LRRFIP1: variants seen among roughly 807,000 people sequenced by gnomAD.
LRRFIP1 encodes the protein LRR binding FLII interacting protein 1.
LRRFIP1 carries 62 observed loss-of-function variants against 104.4 expected under a neutral mutation model. The observed-to-expected ratio is 0.59, with a 90% CI of 0.48 to 0.73. The LOEUF (loss-of-function observed/expected upper bound fraction) is 0.73, where lower values mean the gene tolerates loss of function less well. LRRFIP1 is among the 30% of genes least tolerant of loss of function. LRRFIP1 has a pLI of 0.00. For missense variants in LRRFIP1, 796 were observed against 824.5 expected, an observed-to-expected ratio of 0.97 and a Z score of 0.42; for synonymous variants, 300 against 299.0, an observed-to-expected ratio of 1.00 and a Z score of -0.03.
Position 237,690,921 on chromosome 2 carries a change from C to T in LRRFIP1, c.97-17623C>T, listed in dbSNP as rs77278141. ...TCATCTTAAGTTCAACGTTTCTTCC[C>T]CAGCGGTTCTCTAGGCCTTTGCTCG... On this transcript the variant is annotated intron_variant, in intron 1 of 23. Coordinates refer to ENST00000308482, the MANE Select transcript of LRRFIP1 (RefSeq NM_001137550.2). 5.5e-3 allele frequency among the ~76,000 whole-genome samples: 828 copies of T among 151,924 alleles called. 5 individuals carry two copies. The highest frequency in any genetic ancestry group is 0.02 in the Middle Eastern group (6 of 294).
intron 1 of LRRFIP1, among the ~76,000 whole-genome samples, chr2:237,638,749 C>T (rs1038990): frequency 0.26 from 38,890 of 152,130 alleles, 5,278 homozygotes; most frequent in East Asian, 0.43. Flanking sequence ...GCTGCCGTGT[C>T]GACCAGTGTA....
At chr2:237,729,869 T>G in intron 8 of LRRFIP1, 4 of 973,994 alleles carry the variant, frequency 4.1e-6, no homozygotes, top group Non-Finnish European at 4.9e-6. Context: ...ATCTTTCACA[T>G]TCTCTTCAGA....
intron 1 of LRRFIP1, among the ~76,000 whole-genome samples, chr2:237,676,111 A>G (rs987362811): frequency 3.3e-5 from 5 of 152,350 alleles, no homozygotes; most frequent in African/African-American, 1.2e-4. Context: ...TTCTGTACAC[A>G]TTAAACACTG....
At chr2:237,705,297 TAATA>T (rs762388998) in intron 1 of LRRFIP1, among the ~76,000 whole-genome samples, 1 of 152,184 alleles carries the variant, frequency 6.6e-6, no homozygotes, top group African/African-American at 2.4e-5. Flanking sequence ...TGCTAGTGTG[TAATA>T]AATATCCACA....
intron 11 of LRRFIP1, among the ~76,000 whole-genome samples, chr2:237,746,794 G>A (rs749863243): frequency 2.6e-5 from 4 of 152,230 alleles, no homozygotes; most frequent in Admixed American, 2.0e-4. Context: ...ATTGTGGAAA[G>A]CGCCCGTGAA....
At position 237,712,856 on chromosome 2, in the gene LRRFIP1, T is replaced by C. The variant is rs3769091; in HGVS notation, c.184-1403T>C. Among the ~76,000 whole-genome samples the C allele has an allele frequency of 3.3e-3, 501 of 152,316 alleles. 10 individuals are homozygous for C. The East Asian group carries it at 0.047, about 14-fold the overall frequency. ...TGGCTATTATTAGAACCAGCTAACA[T>C]AATTTGAGGTTATACAATCTGGTAG... On this transcript the variant is annotated intron_variant, in intron 2 of 23. Coordinates refer to ENST00000308482, the MANE Select transcript of LRRFIP1 (RefSeq NM_001137550.2).
chr2:237,657,975 G>A (rs1294537984), intron 1 of LRRFIP1, among the ~76,000 whole-genome samples: 3 of 152,158 alleles, frequency 2.0e-5, no homozygotes, highest in African/African-American at 7.2e-5. Context: ...ATAAGTGAAA[G>A]AAGTACACAA....
intron 13 of LRRFIP1, among the ~76,000 whole-genome samples, chr2:237,749,998 C>T (rs2058380940): frequency 6.6e-6 from 1 of 152,126 alleles, no homozygotes; most frequent in African/African-American, 2.4e-5. Context: ...CCTGTGTCCT[C>T]CAGGGAGCAG....
intron 1 of LRRFIP1, among the ~76,000 whole-genome samples, chr2:237,702,173 T>A (rs952780272): frequency 6.6e-6 from 1 of 152,180 alleles, no homozygotes; most frequent in Non-Finnish European, 1.5e-5. Context: ...CTTATCACCG[T>A]ACACACCACC....
chr2:237,733,679 T>A, intron 8 of LRRFIP1, 95 bp from the exon 9 acceptor site: 3 of 1,220,332 alleles, frequency 2.5e-6, no homozygotes, highest in Non-Finnish European at 3.6e-6. Flanking sequence ...CAGTTGGCTA[T>A]GGTGAATGCT....
chr2:237,724,093 C>G (rs374293891), intron 7 of LRRFIP1, among the ~76,000 whole-genome samples: 1 of 150,570 alleles, frequency 6.6e-6, no homozygotes, highest in South Asian at 2.1e-4. Context: ...GAGAAAACTC[C>G]TAACTTCCAG....
intron 1 of LRRFIP1, among the ~76,000 whole-genome samples, chr2:237,631,992 C>T (rs35392898): frequency 0.4 from 61,282 of 152,074 alleles, 12,850 homozygotes; most frequent in East Asian, 0.46. Context: ...GGCAGGGGCA[C>T]TGCTGCCCCA....
At chr2:237,704,988 C>A (rs1405556099) in intron 1 of LRRFIP1, among the ~76,000 whole-genome samples, 2 of 152,168 alleles carry the variant, frequency 1.3e-5, no homozygotes, top group Non-Finnish European at 2.9e-5. Flanking sequence ...GAAGGTGGGC[C>A]ATGATGGGAA....
intron 12 of LRRFIP1, 130 bp from the exon 13 acceptor site, chr2:237,749,069 G>A (rs996864919): frequency 1.3e-5 from 12 of 903,294 alleles, no homozygotes; most frequent in South Asian, 7.3e-5. Flanking sequence ...AACTGCCCCC[G>A]TGATCCAGTC....
chr2:237,775,887 AG>A (rs2061047060), intron 23 of LRRFIP1, among the ~76,000 whole-genome samples: 2 of 152,160 alleles, frequency 1.3e-5, no homozygotes, highest in South Asian at 4.1e-4. Context: ...ACTGTAGGAA[AG>A]GGACTGTGGA....
intron 1 of LRRFIP1, chr2:237,683,394 C>T (rs2092042885): frequency 6.6e-6 from 1 of 152,230 alleles, no homozygotes; most frequent in Admixed American, 6.5e-5. Flanking sequence ...CCAGTTATTC[C>T]AGAATTTCCA....
chr2:237,658,956 C>T (rs1009644956), intron 1 of LRRFIP1, among the ~76,000 whole-genome samples: 8 of 152,110 alleles, frequency 5.3e-5, no homozygotes, highest in African/African-American at 1.7e-4. Flanking sequence ...CTATATGGTA[C>T]TAGCACATCT....
At chr2:237,765,516 G>A in intron 19 of LRRFIP1, 1 of 970,452 alleles carries the variant, frequency 1.0e-6, no homozygotes, top group Non-Finnish European at 1.2e-6. Context: ...CAAAAGAGCA[G>A]TAAAAAATGG....
At chr2:237,745,550 G>T (rs1019690954) in intron 11 of LRRFIP1, among the ~76,000 whole-genome samples, 2 of 151,960 alleles carry the variant, frequency 1.3e-5, no homozygotes, top group Non-Finnish European at 2.9e-5. Context: ...TGATGTAGAC[G>T]GTTACAAGCA....
Sources: allele counts gnomAD v4.1 joint callset (sites outside exome capture counted in the v4.1 genomes callset), GRCh38; gene constraint gnomAD v4.1.1; transcripts MANE v1.5; gene names NCBI Gene and HGNC (gene_info 2026-07-23, HGNC 2026-07-21).